The following SOX5 variants were observed in gnomAD, a reference collection of about 807,000 sequenced individuals.
SOX5 encodes the protein transcription factor SOX-5.
SOX5 carries 9 observed loss-of-function variants against 92.0 expected under a neutral mutation model. The ratio of observed to expected loss-of-function variants is 0.10; its 90% confidence interval spans 0.06 to 0.17. SOX5 has a LOEUF of 0.17. SOX5 is among the 10% of genes least tolerant of loss of function. The pLI is 1.00. For synonymous variants in SOX5, 344 were observed against 336.3 expected, an observed-to-expected ratio of 1.02 and a Z score of -0.25; for missense variants, 642 against 944.5, an observed-to-expected ratio of 0.68 and a Z score of 4.20.
At chr12:23,892,919 C>T (rs2097142579) in intron 2 of SOX5, among the ~76,000 whole-genome samples, 1 of 152,174 alleles carries the variant, frequency 6.6e-6, no homozygotes, top group African/African-American at 2.4e-5. Context: ...TTAAGAAACT[C>T]TTGCTTTAGA....
intron 2 of SOX5, among the ~76,000 whole-genome samples, chr12:23,856,264 G>A (rs763760889): frequency 6.6e-6 from 1 of 152,002 alleles, no homozygotes; most frequent in Non-Finnish European, 1.5e-5. Flanking sequence ...TAGTTTACAC[G>A]AGCAATGCTA....
At chr12:24,054,830 G>A (rs963765100) in intron 4 of SOX5, among the ~76,000 whole-genome samples, 2 of 152,196 alleles carry the variant, frequency 1.3e-5, no homozygotes, top group Non-Finnish European at 2.9e-5. Context: ...ATAAATTGGG[G>A]GAGAAGAGGT....
At chr12:24,467,687 C>T (rs1944374875) in intron 1 of SOX5, among the ~76,000 whole-genome samples, 1 of 152,060 alleles carries the variant, frequency 6.6e-6, no homozygotes, top group Admixed American at 6.6e-5. Flanking sequence ...TGGAGAGCCA[C>T]TGAACAATTT....
intron 1 of SOX5, among the ~76,000 whole-genome samples, chr12:24,481,923 T>C (rs1275354775): frequency 6.6e-6 from 1 of 152,206 alleles, no homozygotes; most frequent in Non-Finnish European, 1.5e-5. Context: ...AAAACATCCT[T>C]TGATGCATCT....
chr12:24,203,365 G>GA (rs1425342980), intron 4 of SOX5, among the ~76,000 whole-genome samples: 1 of 152,090 alleles, frequency 6.6e-6, no homozygotes, highest in East Asian at 1.9e-4. Context: ...TTTCTACAAG[G>GA]ATTCTTGGTT....
chr12:24,178,306 T>A (rs1049707288), intron 4 of SOX5, among the ~76,000 whole-genome samples: 7 of 151,942 alleles, frequency 4.6e-5, no homozygotes, highest in South Asian at 4.2e-4. Flanking sequence ...ACAGATTCTA[T>A]TGTTCTTTGG....
intron 6 of SOX5, among the ~76,000 whole-genome samples, chr12:23,729,327 GT>G (rs1334273731): frequency 1.3e-5 from 2 of 152,076 alleles, no homozygotes; most frequent in African/African-American, 4.8e-5. Flanking sequence ...CTGAGTTCAG[GT>G]TCATCTTATT....
chr12:23,689,170 G>A (rs545880159), intron 6 of SOX5, among the ~76,000 whole-genome samples: 4 of 152,080 alleles, frequency 2.6e-5, no homozygotes, highest in South Asian at 4.1e-4. Context: ...TGCTTAAGTC[G>A]TCTTTGTTTT....
In SOX5 at chr12:23,608,115, GAAAAAAAAAAAAAAA is replaced by G. The variant is rs772255622; in HGVS notation, c.1018-3597_1018-3583del. On this transcript the variant is annotated intron_variant, in intron 8 of 14. Coordinates refer to ENST00000451604, the MANE Select transcript of SOX5 (RefSeq NM_006940.6). ...TGAGACGTTGTCTCAAAAGAAAAAA[GAAAAAAAAAAAAAAA>G]AAAAAAAAAAAGGCTGAGCTGAAAG... Among the ~76,000 whole-genome samples the G allele has an allele frequency of 2.0e-3, 88 of 44,086 alleles. 2 individuals are homozygous for G. Among genetic ancestry groups the G allele is most frequent in the African/African-American group, 6.5e-3 (84 of 12,924 alleles). The allele number at this position is 44,086 out of a possible 152,430, so 28.9% of individuals were successfully genotyped here. A position where few individuals can be genotyped will look rare whatever the true frequency, so the allele number is the denominator to read the frequency against.
At chr12:24,216,897 C>T (rs1360700359) in intron 3 of SOX5, among the ~76,000 whole-genome samples, 4 of 152,146 alleles carry the variant, frequency 2.6e-5, no homozygotes, top group East Asian at 1.9e-4. Context: ...CACTGCACTC[C>T]GGCCTGAGCA....
intron 4 of SOX5, among the ~76,000 whole-genome samples, chr12:24,013,951 A>T (rs1046651615): frequency 2.6e-5 from 4 of 152,190 alleles, no homozygotes; most frequent in African/African-American, 9.6e-5. Flanking sequence ...ATAAACACAG[A>T]ATCAACTTGA....
intron 4 of SOX5, among the ~76,000 whole-genome samples, chr12:24,010,584 A>G (rs1224249446): frequency 2.0e-5 from 3 of 152,202 alleles, no homozygotes; most frequent in East Asian, 3.9e-4. Flanking sequence ...TTATTAAAAA[A>G]TTGCCATTGC....
chr12:23,821,798 T>C (rs1412896431), intron 3 of SOX5, among the ~76,000 whole-genome samples: 1 of 151,876 alleles, frequency 6.6e-6, no homozygotes, highest in African/African-American at 2.4e-5. Flanking sequence ...TTGCTGTATG[T>C]GTTGTTATTG....
intron 2 of SOX5, among the ~76,000 whole-genome samples, chr12:24,324,869 G>T (rs908637955): frequency 6.6e-6 from 1 of 151,972 alleles, no homozygotes; most frequent in South Asian, 2.1e-4. Flanking sequence ...TATTACTTTA[G>T]TTAGTACCTT....
At chr12:24,322,977 TTTTTG>T (rs754251106) in intron 2 of SOX5, among the ~76,000 whole-genome samples, 7 of 152,200 alleles carry the variant, frequency 4.6e-5, no homozygotes, top group Admixed American at 2.6e-4. Flanking sequence ...TTATTAAGGT[TTTTTG>T]TTTTGTTTTG....
chr12:24,188,154 G>A (rs1956195127), intron 4 of SOX5, among the ~76,000 whole-genome samples: 1 of 152,136 alleles, frequency 6.6e-6, no homozygotes, highest in Non-Finnish European at 1.5e-5. Flanking sequence ...CTCTTTTCAA[G>A]TAATTTGAAT....
At chr12:23,776,649 G>A (rs565507831) in intron 3 of SOX5, among the ~76,000 whole-genome samples, 2 of 152,166 alleles carry the variant, frequency 1.3e-5, no homozygotes, top group South Asian at 2.1e-4. Context: ...GTGGAAGGGA[G>A]GATAATTTTG....
intron 3 of SOX5, among the ~76,000 whole-genome samples, chr12:24,236,930 C>G (rs1964630947): frequency 6.6e-6 from 1 of 151,902 alleles, no homozygotes; most frequent in Non-Finnish European, 1.5e-5. Context: ...AAATGTAGAT[C>G]TGGATTACTC....
intron 3 of SOX5, among the ~76,000 whole-genome samples, chr12:24,231,177 G>C (rs1762060063): frequency 6.6e-6 from 1 of 152,222 alleles, no homozygotes; most frequent in African/African-American, 2.4e-5. Context: ...CCATTATTCA[G>C]AGGAGCTGCT....
Sources: gnomAD v4.1 joint callset for allele counts (sites outside exome capture counted in the v4.1 genomes callset) on GRCh38, gnomAD v4.1.1 for gene constraint, MANE v1.5 for transcripts, NCBI Gene and HGNC (gene_info 2026-07-23, HGNC 2026-07-21) for gene names.